The following MBOAT1 variants were observed in gnomAD, a reference collection of about 807,000 sequenced individuals.
The protein encoded by MBOAT1 is membrane bound glycerophospholipid O-acyltransferase 1.
Under a neutral mutation model 64.4 loss-of-function variants are expected in MBOAT1, and 67 were observed. The observed-to-expected ratio is 1.04, with a 90% CI of 0.85 to 1.27. The LOEUF (loss-of-function observed/expected upper bound fraction) is 1.27. Ranked by LOEUF, MBOAT1 falls within the 50% of genes most tolerant of loss-of-function variation. The pLI, the probability that MBOAT1 is intolerant of heterozygous loss-of-function variation, is 0.00. For missense variants in MBOAT1, 563 were observed against 604.6 expected, an observed-to-expected ratio of 0.93 and a Z score of 0.72; for synonymous variants, 229 against 218.9, an observed-to-expected ratio of 1.05 and a Z score of -0.41.
At chr6:20,208,348 A>G (rs1763319624) in intron 1 of MBOAT1, among the ~76,000 whole-genome samples, 1 of 150,942 alleles carries the variant, frequency 6.6e-6, no homozygotes, top group African/African-American at 2.4e-5. Context: ...CTGGAGACTG[A>G]GGCAGGAGAA....
chr6:20,168,643 GAGGAGAGGAGAGGGA>G (rs1762097728), intron 1 of MBOAT1, among the ~76,000 whole-genome samples: 1 of 113,514 alleles, frequency 8.8e-6, no homozygotes, highest in Non-Finnish European at 1.8e-5. Context: ...GAAGAGAAGA[GAGGAGAGGAGAGGGA>G]AAGAGAGAAA....
chr6:20,203,635 A>G (rs1763182112), intron 1 of MBOAT1, among the ~76,000 whole-genome samples: 1 of 152,212 alleles, frequency 6.6e-6, no homozygotes, highest in African/African-American at 2.4e-5. Flanking sequence ...TGCTAACCAT[A>G]CAAAGATGAC....
At chr6:20,212,054 G>T in intron 1 of MBOAT1, 82 bp downstream of exon 1, 1 of 1,247,580 alleles carries the variant, frequency 8.0e-7, no homozygotes, top group South Asian at 1.3e-5. Context: ...GGAGGCGGAG[G>T]GACGGTGGCT....
chr6:20,179,482 T>C (rs1762446819), intron 1 of MBOAT1, among the ~76,000 whole-genome samples: 1 of 152,246 alleles, frequency 6.6e-6, no homozygotes, highest in Non-Finnish European at 1.5e-5. Flanking sequence ...GCAAAGGACA[T>C]GATTTCATTC....
chr6:20,200,178 A>G (rs9465655), intron 1 of MBOAT1, among the ~76,000 whole-genome samples: 36,894 of 152,066 alleles, frequency 0.24, 5,511 homozygotes, highest in African/African-American at 0.42. Context: ...TCTAGGTGAG[A>G]TGAAAGAAGA....
chr6:20,182,721 C>T (rs905333906), intron 1 of MBOAT1, among the ~76,000 whole-genome samples: 54 of 152,288 alleles, frequency 3.5e-4, no homozygotes, highest in African/African-American at 9.1e-4. Context: ...GCTCCAACCA[C>T]GGCAGGGGTA....
At chr6:20,114,624 T>C (rs562115134) in intron 10 of MBOAT1, among the ~76,000 whole-genome samples, 1 of 152,234 alleles carries the variant, frequency 6.6e-6, no homozygotes, top group South Asian at 2.1e-4. Context: ...GGCTCCCACC[T>C]GTAATCCCAG....
chr6:20,112,783 C>A, intron 11 of MBOAT1, 93 bp downstream of exon 11: 2 of 1,391,018 alleles, frequency 1.4e-6, no homozygotes, highest in African/African-American at 1.4e-5. Context: ...ACCTTCACAT[C>A]CCACCCCCAA....
intron 1 of MBOAT1, among the ~76,000 whole-genome samples, chr6:20,166,829 CT>C (rs1762028762): frequency 1.3e-5 from 2 of 151,990 alleles, no homozygotes; most frequent in African/African-American, 4.8e-5. Flanking sequence ...GTCCTAGCTA[CT>C]TGAGAGGCTG....
intron 2 of MBOAT1, 116 bp downstream of exon 2, chr6:20,152,508 A>C: frequency 4.5e-6 from 5 of 1,110,954 alleles, no homozygotes; most frequent in Non-Finnish European, 5.0e-6. Flanking sequence ...TACAATATAA[A>C]ATTTTACAAT....
chr6:20,171,320 T>TG (rs1762184179), intron 1 of MBOAT1, among the ~76,000 whole-genome samples: 1 of 150,864 alleles, frequency 6.6e-6, no homozygotes, highest in African/African-American at 2.4e-5. Flanking sequence ...AAGGATTGCT[T>TG]GAGCCCAGGA....
intron 1 of MBOAT1, among the ~76,000 whole-genome samples, chr6:20,191,281 C>A (rs1762793202): frequency 5.9e-5 from 9 of 152,204 alleles, no homozygotes; most frequent in Admixed American, 5.9e-4. Context: ...ATGCTGGCAC[C>A]ATGCTCTTGA....
At chr6:20,153,653 A>C (rs1457670451) in intron 1 of MBOAT1, among the ~76,000 whole-genome samples, 1 of 152,218 alleles carries the variant, frequency 6.6e-6, no homozygotes, top group Non-Finnish European at 1.5e-5. Context: ...TCTCAAATTC[A>C]AGGTGTGACA....
intron 3 of MBOAT1, among the ~76,000 whole-genome samples, chr6:20,148,633 T>C (rs1413438596): frequency 1.3e-5 from 2 of 152,210 alleles, no homozygotes; most frequent in African/African-American, 4.8e-5. Flanking sequence ...AGAAGTTGCA[T>C]GACCAGTCCA....
At chr6:20,140,988 C>A (rs547510930) in intron 4 of MBOAT1, among the ~76,000 whole-genome samples, 2 of 152,096 alleles carry the variant, frequency 1.3e-5, no homozygotes, top group Non-Finnish European at 2.9e-5. Flanking sequence ...TAGCACCAAC[C>A]CTTGAGAGCC....
At chr6:20,118,330 G>T in intron 9 of MBOAT1, 107 bp downstream of exon 9, 1 of 854,988 alleles carries the variant, frequency 1.2e-6, no homozygotes, top group Non-Finnish European at 1.9e-6. Context: ...TTCCCTGAGA[G>T]CAGCTTTTCT....
Position 20,212,275 on chromosome 6 carries a change from A to G in MBOAT1, c.-41T>C, listed in dbSNP as rs755659590. ...GGTGGCTGCCCCTGTCCCAGCCCGC[A>G]ACACCCCCTGCTCGGCGTCCTCCCG... On this transcript the variant is annotated 5_prime_UTR_variant, in exon 1 of 13. Coordinates refer to ENST00000324607, the MANE Select transcript of MBOAT1 (RefSeq NM_001080480.3). 6.4e-7 allele frequency: 1 copy of G among 1,569,902 alleles called. No individual in the cohort carries two copies. The highest frequency in any genetic ancestry group is 2.3e-5 in the East Asian group (1 of 44,006).
chr6:20,179,286 C>A (rs1321201576), intron 1 of MBOAT1, among the ~76,000 whole-genome samples: 1 of 152,174 alleles, frequency 6.6e-6, no homozygotes, highest in African/African-American at 2.4e-5. Context: ...AGTTGCCTCT[C>A]AAGATCTCAT....
intron 11 of MBOAT1, among the ~76,000 whole-genome samples, chr6:20,110,170 A>G (rs1760093998): frequency 1.3e-5 from 2 of 150,920 alleles, no homozygotes; most frequent in Non-Finnish European, 2.9e-5. Flanking sequence ...TGGCCGCCCA[A>G]AGTGCTGGGA....
Sources: allele counts gnomAD v4.1 joint callset (sites outside exome capture counted in the v4.1 genomes callset), GRCh38; gene constraint gnomAD v4.1.1; transcripts MANE v1.5; gene names NCBI Gene and HGNC (gene_info 2026-07-23, HGNC 2026-07-21).